Variants in ATP8A1 observed in about 807,000 individuals in gnomAD.
The protein encoded by ATP8A1 is ATPase phospholipid transporting 8A1, also known as phospholipid-transporting ATPase IA.
Under a neutral mutation model 177.7 loss-of-function variants are expected in ATP8A1, and 90 were observed. The ratio of observed to expected loss-of-function variants is 0.51; its 90% CI spans 0.43 to 0.60. The LOEUF (loss-of-function observed/expected upper bound fraction) is 0.60, where lower values mean the gene tolerates loss of function less well. Among genes scored for constraint, ATP8A1 ranks in the 20% least tolerant of loss-of-function variants. ATP8A1 has a pLI of 0.00. For synonymous variants in ATP8A1, 493 were observed against 485.9 expected (o/e 1.01, Z -0.19); for missense variants, 1,072 against 1,392.8 (o/e 0.77, Z 3.67).
rs540438438 is a variant in ATP8A1, at chr4:42,606,547, T to C, written c.410-6029A>G. Among the ~76,000 whole-genome samples the C allele has an allele frequency of 3.9e-5, 6 of 152,282 alleles. No individual in the cohort carries two copies. In the South Asian group the frequency reaches 1.2e-3, roughly 32 times the overall value. On this transcript the variant is annotated intron_variant, in intron 5 of 36. Transcript: ENST00000381668. ...GTGGCTACAAGGGAGTTTCAAACCT[T>C]AAACAGCACATTATAAATCACCAGC...
At chr4:42,576,270 G>A (rs1732430747) in intron 12 of ATP8A1, among the ~76,000 whole-genome samples, 1 of 151,766 alleles carries the variant, frequency 6.6e-6, no homozygotes, top group Non-Finnish European at 1.5e-5. Flanking sequence ...AGGAAATCGA[G>A]ACCATCCTGG....
chr4:42,453,516 T>A (rs1718157362), intron 29 of ATP8A1, among the ~76,000 whole-genome samples: 1 of 152,172 alleles, frequency 6.6e-6, no homozygotes, highest in South Asian at 2.1e-4. Flanking sequence ...TGAAAAGACT[T>A]TTTTCAACAA....
chr4:42,484,549 C>A (rs1008850801), intron 25 of ATP8A1, among the ~76,000 whole-genome samples: 2 of 151,908 alleles, frequency 1.3e-5, no homozygotes, highest in African/African-American at 4.8e-5. Context: ...ATAAATAATA[C>A]CATATACAAA....
chr4:42,601,020 C>T (rs2109399356), intron 5 of ATP8A1, among the ~76,000 whole-genome samples: 1 of 145,012 alleles, frequency 6.9e-6, no homozygotes, highest in Non-Finnish European at 1.5e-5. Context: ...AAAGCAAAAA[C>T]AACCCAAATT....
rs772627948 is a variant in ATP8A1, at chr4:42,507,017, G to A, written c.2085C>T (p.Ile695=). 1.1e-5 allele frequency: 17 copies of A among 1,612,648 alleles called. No individual in the cohort carries two copies. The highest frequency in any genetic ancestry group is 6.6e-5 in the South Asian group (6 of 90,494). The change falls in exon 23 of 37, where the codon ATC becomes ATT. Residue 695 remains isoleucine (I), a splice_region_variant and synonymous_variant. Transcript: ENST00000381668. ...TAAAATGTGAACTAGGTGAATTACC[G>A]ATGTTAATGGCAGTTTCTTGCTTGT... ...TGDKQETAIN[I]GHSCKLLKKN...
intron 22 of ATP8A1, among the ~76,000 whole-genome samples, chr4:42,516,759 A>G (rs1375141134): frequency 6.6e-6 from 1 of 152,232 alleles, no homozygotes; most frequent in Non-Finnish European, 1.5e-5. Flanking sequence ...ATCTAGTAGC[A>G]TAGTATGAAT....
chr4:42,492,486 T>C (rs1722835137), intron 24 of ATP8A1, among the ~76,000 whole-genome samples: 2 of 152,160 alleles, frequency 1.3e-5, no homozygotes, highest in South Asian at 2.1e-4. Flanking sequence ...ACCTCATGAA[T>C]GGGATTAGGG....
chr4:42,582,322 C>A (rs1026429116), intron 9 of ATP8A1, among the ~76,000 whole-genome samples: 1 of 152,170 alleles, frequency 6.6e-6, no homozygotes, highest in African/African-American at 2.4e-5. Flanking sequence ...CAAGCTAATA[C>A]ATTAACCAAA....
chr4:42,544,876 T>G (rs1049511901), intron 19 of ATP8A1, among the ~76,000 whole-genome samples: 2 of 152,228 alleles, frequency 1.3e-5, no homozygotes, highest in African/African-American at 4.8e-5. Flanking sequence ...ATATTTCAGT[T>G]CCCGGCCTGG....
At chr4:42,443,738 ACT>A (rs1378181649) in intron 32 of ATP8A1, 66 bp from the exon 33 acceptor site, 19 of 741,252 alleles carry the variant, frequency 2.6e-5, no homozygotes, top group Non-Finnish European at 4.2e-5. Flanking sequence ...TACTAATGAA[ACT>A]CTCTCAAATT....
intron 25 of ATP8A1, among the ~76,000 whole-genome samples, chr4:42,468,255 A>T (rs1720001987): frequency 6.6e-6 from 1 of 152,190 alleles, no homozygotes; most frequent in African/African-American, 2.4e-5. Context: ...ATAAGTCATT[A>T]TACAAAAAAG....
chr4:42,490,584 A>T (rs1722648562), intron 24 of ATP8A1, among the ~76,000 whole-genome samples: 1 of 151,964 alleles, frequency 6.6e-6, no homozygotes, highest in Admixed American at 6.6e-5. Flanking sequence ...TAACCTCAAA[A>T]CTTCCCTTTA....
At chr4:42,544,930 G>A (rs534944016) in intron 19 of ATP8A1, among the ~76,000 whole-genome samples, 2 of 152,250 alleles carry the variant, frequency 1.3e-5, no homozygotes, top group East Asian at 3.9e-4. Flanking sequence ...GGGAGGCCGA[G>A]GCGGGCGGAT....
At chr4:42,476,039 C>CA (rs1351011245) in intron 25 of ATP8A1, among the ~76,000 whole-genome samples, 31 of 149,390 alleles carry the variant, frequency 2.1e-4, no homozygotes, top group African/African-American at 3.0e-4. Context: ...GACTCCATCT[C>CA]AAAAAAAAAG....
At chr4:42,514,503 T>C (rs6837719) in intron 22 of ATP8A1, among the ~76,000 whole-genome samples, 21,801 of 152,178 alleles carry the variant, frequency 0.14, 1,791 homozygotes, top group East Asian at 0.26. Context: ...TTCCATCTTG[T>C]TTTCAAGGAA....
intron 35 of ATP8A1, among the ~76,000 whole-genome samples, chr4:42,415,487 A>C (rs1240534189): frequency 6.6e-6 from 1 of 152,188 alleles, no homozygotes; most frequent in East Asian, 1.9e-4. Context: ...ACACAGTAGA[A>C]ACTCAAATAT....
chr4:42,581,424 C>T (rs371082000), intron 10 of ATP8A1, among the ~76,000 whole-genome samples, 197 bp downstream of exon 10: 28 of 152,276 alleles, frequency 1.8e-4, no homozygotes, highest in African/African-American at 2.9e-4. Flanking sequence ...TGAGCCACCG[C>T]GCCCAGCCCA....
intron 18 of ATP8A1, 150 bp downstream of exon 18, chr4:42,551,048 G>A: frequency 1.6e-6 from 1 of 624,672 alleles, no homozygotes; most frequent in Non-Finnish European, 2.9e-6. Flanking sequence ...ATGTATAAAT[G>A]CCTAAAGAAA....
intron 6 of ATP8A1, among the ~76,000 whole-genome samples, chr4:42,599,296 C>T (rs1391095742): frequency 6.6e-6 from 1 of 151,990 alleles, no homozygotes; most frequent in African/African-American, 2.4e-5. Context: ...TTGATTATAT[C>T]CTACCTGTCT....
Sources: gnomAD v4.1 joint callset for allele counts (sites outside exome capture counted in the v4.1 genomes callset) on GRCh38, gnomAD v4.1.1 for gene constraint, MANE v1.5 for transcripts, NCBI Gene and HGNC (gene_info 2026-07-23, HGNC 2026-07-21) for gene names.